CAST: variants seen among roughly 807,000 people sequenced by gnomAD.
CAST encodes MIR583 host.
Under a neutral mutation model 119.6 loss-of-function variants are expected in CAST, and 76 were observed. The ratio of observed to expected loss-of-function variants is 0.64; its 90% CI spans 0.53 to 0.77. The LOEUF (loss-of-function observed/expected upper bound fraction) is 0.77, where lower values mean the gene tolerates loss of function less well. Among genes scored for constraint, CAST ranks in the 30% least tolerant of loss-of-function variants. The probability of loss-of-function intolerance (pLI) is 0.00; values close to 1 mark genes in which losing one functional copy is unlikely to be tolerated. For synonymous variants in CAST, 319 were observed against 331.6 expected, an observed-to-expected ratio of 0.96 and a Z score of 0.41; for missense variants, 953 against 946.5, an observed-to-expected ratio of 1.01 and a Z score of -0.09.
intron 2 of CAST, among the ~76,000 whole-genome samples, chr5:96,676,821 G>A (rs1750772061): frequency 6.6e-6 from 1 of 151,832 alleles, no homozygotes; most frequent in South Asian, 2.1e-4. Flanking sequence ...TTGGGAGGCC[G>A]AGGTGGGTGG....
At chr5:96,104,704 A>C in the CAST span, among the ~76,000 whole-genome samples, 1 of 148,304 alleles carries the variant, frequency 6.7e-6, no homozygotes, top group East Asian at 2.0e-4. Context: ...TTTAGGATTG[A>C]CTTGGCGATG....
At chr5:96,422,061 G>C in the CAST span, 1 of 726,694 alleles carries the variant, frequency 1.4e-6, no homozygotes, top group Non-Finnish European at 2.4e-6. Flanking sequence ...TTCCCATCCT[G>C]GCTGATAGCT....
the CAST span, among the ~76,000 whole-genome samples, chr5:96,398,014 G>A: frequency 6.6e-6 from 1 of 151,886 alleles, no homozygotes; most frequent in African/African-American, 2.4e-5. Flanking sequence ...TTAAAAGACA[G>A]GTTACCTGTA....
chr5:96,477,712 T>C, the CAST span, among the ~76,000 whole-genome samples: 1 of 152,210 alleles, frequency 6.6e-6, no homozygotes, highest in Non-Finnish European at 1.5e-5. Context: ...GGTGAGAATA[T>C]TCATTTTCTC....
the CAST span, among the ~76,000 whole-genome samples, chr5:96,385,509 A>G: frequency 6.6e-6 from 1 of 152,256 alleles, no homozygotes; most frequent in Non-Finnish European, 1.5e-5. Flanking sequence ...CTCAGTTTCC[A>G]TATATGTAAA....
At chr5:96,594,078 C>CA (rs1747012343) in intron 1 of CAST, among the ~76,000 whole-genome samples, 1 of 152,226 alleles carries the variant, frequency 6.6e-6, no homozygotes, top group Admixed American at 6.5e-5. Context: ...AAGCATGTTA[C>CA]ATGTACTACT....
chr5:96,286,187 C>G, the CAST span, among the ~76,000 whole-genome samples: 2 of 152,220 alleles, frequency 1.3e-5, no homozygotes, highest in Non-Finnish European at 2.9e-5. Context: ...TTTAGATACT[C>G]ATTCCATTAA....
At chr5:96,425,710 C>T in the CAST span, 1 of 692,600 alleles carries the variant, frequency 1.4e-6, no homozygotes. Flanking sequence ...ATATAGCTCC[C>T]TATGAAATTC....
chr5:95,969,139 T>C, the CAST span, among the ~76,000 whole-genome samples: 1 of 152,188 alleles, frequency 6.6e-6, no homozygotes, highest in Non-Finnish European at 1.5e-5. Flanking sequence ...CACAGGAATA[T>C]GTGGTGCTCG....
the CAST span, chr5:96,433,037 C>T: frequency 1.2e-6 from 2 of 1,614,022 alleles, no homozygotes; most frequent in Non-Finnish European, 1.7e-6. Context: ...AGGCTCTTCG[C>T]TCCATAGCTC....
rs573224688 is a variant in CAST, at chr5:96,600,414, C to T, written c.60+70534C>T. ...CAGTAAGGGCACATTATATGGATGA[C>T]GATGGACCAAGTATGGACCCTTCAT... is the stretch of plus-strand genomic sequence containing the variant. On this transcript the variant is annotated intron_variant, in intron 1 of 11. Coordinates refer to the CAST transcript ENST00000505143. 2.1e-4 allele frequency among the ~76,000 whole-genome samples: 32 copies of T among 152,192 alleles called. No homozygotes were observed. The South Asian group carries it at 6.0e-3, about 29-fold the overall frequency.
rs148874923 is a variant in CAST at position 96,689,184 on chromosome 5, C to T, written c.139-6652C>T. Among the ~76,000 whole-genome samples the T allele has an allele frequency of 2.9e-3, 437 of 152,248 alleles. 3 individuals carry two copies. Among genetic ancestry groups the T allele is most frequent in the African/African-American group, 0.01 (425 of 41,540 alleles). On this transcript the variant is annotated intron_variant, in intron 2 of 31. Coordinates refer to ENST00000675179, the MANE Select transcript of CAST (RefSeq NM_001750.7). ...TGAAAGCTACACACATGTACGAATA[C>T]AAAAAATACTCTCCAAAATGTTACA... is the stretch of plus-strand genomic sequence containing the variant.
intron 14 of CAST, 65 bp downstream of exon 14, chr5:96,741,423 T>C: frequency 6.7e-7 from 1 of 1,482,998 alleles, no homozygotes; most frequent in East Asian, 2.3e-5. Flanking sequence ...AAAGAATAAC[T>C]TTTTAGTTCA....
the CAST span, chr5:95,973,004 T>C: frequency 1.3e-5 from 2 of 152,276 alleles, no homozygotes; most frequent in African/African-American, 4.8e-5. Flanking sequence ...TTGTTCATTC[T>C]CTCAGCTAAT....
At chr5:96,481,447 A>T in the CAST span, among the ~76,000 whole-genome samples, 1 of 152,192 alleles carries the variant, frequency 6.6e-6, no homozygotes, top group African/African-American at 2.4e-5. Context: ...TCTAAGAGAC[A>T]ATTTGAGCTG....
At chr5:96,276,121 C>T in the CAST span, among the ~76,000 whole-genome samples, 6 of 152,132 alleles carry the variant, frequency 3.9e-5, no homozygotes, top group Non-Finnish European at 8.8e-5. Context: ...GATCTTTGTG[C>T]TTTAACTCTC....
intron 19 of CAST, among the ~76,000 whole-genome samples, chr5:96,749,758 G>C (rs1764570717): frequency 6.6e-6 from 1 of 152,176 alleles, no homozygotes; most frequent in African/African-American, 2.4e-5. Context: ...TGTTGCCCAG[G>C]CTGATTCAAA....
At chr5:96,432,376 C>T in the CAST span, among the ~76,000 whole-genome samples, 1 of 152,216 alleles carries the variant, frequency 6.6e-6, no homozygotes, top group Non-Finnish European at 1.5e-5. Context: ...CCAGGGCGGA[C>T]AGCCCCAAGC....
chr5:96,421,928 T>C, the CAST span: 1 of 1,577,464 alleles, frequency 6.3e-7, no homozygotes, highest in Non-Finnish European at 8.7e-7. Context: ...ATGGTCATTA[T>C]CATTAAAATC....
Sources: allele counts gnomAD v4.1 joint callset (sites outside exome capture counted in the v4.1 genomes callset), GRCh38; gene constraint gnomAD v4.1.1; transcripts MANE v1.5; gene names NCBI Gene and HGNC (gene_info 2026-07-23, HGNC 2026-07-21).